The following EYS variants were observed in gnomAD, a reference collection of about 807,000 sequenced individuals.
EYS encodes protein eyes shut homolog.
A neutral mutation model predicts 282.1 loss-of-function variants in EYS; 250 were observed. The observed-to-expected ratio is 0.89, with a 90% CI of 0.80 to 0.98. The LOEUF (loss-of-function observed/expected upper bound fraction) is 0.98, where lower values mean the gene tolerates loss of function less well. Ranked by LOEUF, EYS falls within the 50% of genes least tolerant of loss-of-function variation. The probability of loss-of-function intolerance (pLI) is 0.00; values close to 1 mark genes in which losing one functional copy is unlikely to be tolerated. For missense variants in EYS, 4,016 were observed against 3,709.0 expected (o/e 1.08, Z -2.15); for synonymous variants, 1,355 against 1,282.9 (o/e 1.06, Z -1.20).
intron 2 of EYS, among the ~76,000 whole-genome samples, chr6:65,590,008 C>G (rs571416058): frequency 6.6e-6 from 1 of 151,812 alleles, no homozygotes. Flanking sequence ...GCAAAATGAA[C>G]GCGTTGGACA....
At chr6:65,552,431 C>T (rs1259830316) in intron 2 of EYS, among the ~76,000 whole-genome samples, 1 of 152,044 alleles carries the variant, frequency 6.6e-6, no homozygotes, top group Non-Finnish European at 1.5e-5. Context: ...AATCATTATA[C>T]TTAACATGAA....
At chr6:64,643,119 C>CA (rs59704704) in intron 22 of EYS, among the ~76,000 whole-genome samples, 2 of 117,492 alleles carry the variant, frequency 1.7e-5, no homozygotes, top group South Asian at 3.1e-4. Context: ...CCATCCCCCC[C>CA]CCCAAAAAAA....
chr6:64,545,523 C>T (rs1002580934), intron 26 of EYS, among the ~76,000 whole-genome samples: 3 of 152,104 alleles, frequency 2.0e-5, no homozygotes, highest in African/African-American at 7.2e-5. Flanking sequence ...CTGGCCAGGG[C>T]AATCAGACAG....
chr6:64,662,259 G>A (rs1769059848), intron 22 of EYS, among the ~76,000 whole-genome samples: 1 of 149,946 alleles, frequency 6.7e-6, no homozygotes, highest in Non-Finnish European at 1.5e-5. Flanking sequence ...GGGAGGGATA[G>A]CATTAGGAGA....
At chr6:65,006,120 G>A (rs62416487) in intron 13 of EYS, among the ~76,000 whole-genome samples, 20,694 of 152,046 alleles carry the variant, frequency 0.14, 1,525 homozygotes, top group East Asian at 0.23. Flanking sequence ...GTATACAGCT[G>A]TCTACATGGG....
At chr6:64,561,366 T>C (rs75071037) in intron 26 of EYS, among the ~76,000 whole-genome samples, 1 of 152,126 alleles carries the variant, frequency 6.6e-6, no homozygotes, top group South Asian at 2.1e-4. Context: ...ATCCAAATAG[T>C]AAAAGAGAAA....
intron 19 of EYS, among the ~76,000 whole-genome samples, chr6:64,841,914 C>A (rs375128970): frequency 1.5e-4 from 23 of 152,200 alleles, no homozygotes; most frequent in Admixed American, 2.6e-4. Context: ...CCTAATTCCA[C>A]AGTCCTTTAT....
At chr6:63,862,169 C>A (rs182946661) in intron 36 of EYS, among the ~76,000 whole-genome samples, 3 of 152,298 alleles carry the variant, frequency 2.0e-5, no homozygotes, top group African/African-American at 7.2e-5. Flanking sequence ...TGCCCTCCAT[C>A]CCAGTTACTG....
In EYS at chr6:65,239,966, AT is replaced by A. The variant is rs1439096860; in HGVS notation, c.2023+55896del. ...AAATCCATGTATTTGTAGCATATAT[AT>A]TTTGATTTTTTTTTTTTTTGAGACA... On this transcript the variant is annotated intron_variant, in intron 12 of 42. Transcript: ENST00000503581. Among the ~76,000 whole-genome samples the A allele has an allele frequency of 2.2e-5, 3 of 136,802 alleles. No homozygotes were observed. In the South Asian group the frequency reaches 6.6e-4, roughly 30 times the overall value. 89.7% of individuals were successfully genotyped at this position (136,802 alleles called of 152,430 possible). A position where few individuals can be genotyped will look rare whatever the true frequency, so the allele number is the denominator to read the frequency against.
At chr6:65,587,163 A>G (rs1390544478) in intron 2 of EYS, among the ~76,000 whole-genome samples, 1 of 152,070 alleles carries the variant, frequency 6.6e-6, no homozygotes, top group Admixed American at 6.6e-5. Context: ...TTATAGTACA[A>G]TCCTTGCTGC....
At chr6:64,405,021 G>A (rs1373335139) in intron 28 of EYS, among the ~76,000 whole-genome samples, 4 of 151,874 alleles carry the variant, frequency 2.6e-5, no homozygotes. Context: ...ACCTGTGCAG[G>A]ATGTGCAGAT....
intron 1 of EYS, among the ~76,000 whole-genome samples, chr6:65,692,961 G>A (rs960619145): frequency 1.3e-5 from 2 of 149,666 alleles, no homozygotes; most frequent in African/African-American, 4.9e-5. Context: ...TATGGTCTTG[G>A]CTCCTGAGAT....
At chr6:65,549,893 C>G (rs1436708260) in intron 2 of EYS, among the ~76,000 whole-genome samples, 1 of 152,142 alleles carries the variant, frequency 6.6e-6, no homozygotes, top group African/African-American at 2.4e-5. Context: ...TCAGGGAGAT[C>G]GATGTTCCAC....
chr6:65,648,191 GA>G (rs1167260170), intron 1 of EYS, among the ~76,000 whole-genome samples: 1 of 152,022 alleles, frequency 6.6e-6, no homozygotes, highest in Non-Finnish European at 1.5e-5. Flanking sequence ...CTACCCAGAG[GA>G]AAATAAGTCA....
At chr6:64,598,146 C>T (rs1351891344) in intron 24 of EYS, among the ~76,000 whole-genome samples, 2 of 152,084 alleles carry the variant, frequency 1.3e-5, no homozygotes, top group Non-Finnish European at 2.9e-5. Flanking sequence ...ATAATGGATA[C>T]AGAATGCATG....
chr6:64,722,526 A>G (rs896660301), intron 22 of EYS, among the ~76,000 whole-genome samples: 1 of 151,986 alleles, frequency 6.6e-6, no homozygotes, highest in Non-Finnish European at 1.5e-5. Context: ...GAAAAAAAAA[A>G]AAACCAGAAA....
At chr6:65,040,563 G>A (rs1171009854) in intron 13 of EYS, among the ~76,000 whole-genome samples, 2 of 151,580 alleles carry the variant, frequency 1.3e-5, no homozygotes, top group Admixed American at 6.6e-5. Flanking sequence ...ACCTCACTGA[G>A]GGTTAGAACT....
chr6:64,140,249 C>T (rs910219868), intron 31 of EYS, among the ~76,000 whole-genome samples: 2 of 152,174 alleles, frequency 1.3e-5, no homozygotes, highest in African/African-American at 4.8e-5. Flanking sequence ...AAATTATATT[C>T]TGCCAATATC....
chr6:65,677,483 GA>G (rs1285640093), intron 1 of EYS, among the ~76,000 whole-genome samples: 1 of 151,408 alleles, frequency 6.6e-6, no homozygotes, highest in Non-Finnish European at 1.5e-5. Context: ...TCAAAAAGAA[GA>G]AAAAAATACT....
Sources: allele counts gnomAD v4.1 joint callset (sites outside exome capture counted in the v4.1 genomes callset), GRCh38; gene constraint gnomAD v4.1.1; transcripts MANE v1.5; gene names NCBI Gene and HGNC (gene_info 2026-07-23, HGNC 2026-07-21).